Variants in CDH12 observed in about 807,000 individuals in gnomAD.
CDH12 encodes the protein cadherin-12.
In CDH12, 41 loss-of-function variants were observed where a neutral mutation model predicts 74.1. The ratio of observed to expected loss-of-function variants is 0.55; its 90% CI spans 0.43 to 0.72. The LOEUF is 0.72. CDH12 is among the 30% of genes least tolerant of loss of function. CDH12 has a pLI of 0.00. For missense variants in CDH12, 945 were observed against 977.2 expected, an observed-to-expected ratio of 0.97 and a Z score of 0.44; for synonymous variants, 399 against 355.0, an observed-to-expected ratio of 1.12 and a Z score of -1.39.
chr5:22,717,690 G>C (rs1249754464), intron 1 of CDH12, among the ~76,000 whole-genome samples: 2 of 152,152 alleles, frequency 1.3e-5, no homozygotes, highest in African/African-American at 4.8e-5. Flanking sequence ...TGAATACTTA[G>C]ACTATGTAGT....
intron 6 of CDH12, chr5:21,889,880 T>C (rs1752818297): frequency 1.0e-6 from 1 of 984,764 alleles, no homozygotes; most frequent in Non-Finnish European, 1.2e-6. Context: ...CTGCTTTTCT[T>C]AGCATATAAG....
At chr5:22,543,892 G>A (rs1328001787) in intron 1 of CDH12, among the ~76,000 whole-genome samples, 2 of 151,300 alleles carry the variant, frequency 1.3e-5, no homozygotes, top group Non-Finnish European at 2.9e-5. Flanking sequence ...CATCAAATAC[G>A]TTTGTCATTT....
intron 10 of CDH12, among the ~76,000 whole-genome samples, chr5:21,784,382 ATGTC>A (rs1447719132): frequency 6.6e-6 from 1 of 152,108 alleles, no homozygotes; most frequent in Non-Finnish European, 1.5e-5. Flanking sequence ...AGAATAAAAA[ATGTC>A]TGCAGAATAG....
At chr5:22,700,874 A>G (rs1257304970) in intron 1 of CDH12, among the ~76,000 whole-genome samples, 1 of 152,198 alleles carries the variant, frequency 6.6e-6, no homozygotes, top group Non-Finnish European at 1.5e-5. Context: ...ATCTGAAAAG[A>G]CTTTTTAATA....
intron 2 of CDH12, among the ~76,000 whole-genome samples, chr5:22,437,243 A>G (rs1744434680): frequency 6.6e-6 from 1 of 151,926 alleles, no homozygotes; most frequent in African/African-American, 2.4e-5. Flanking sequence ...TAAATATATC[A>G]AAATGTTGAA....
intron 5 of CDH12, among the ~76,000 whole-genome samples, chr5:22,040,195 CA>C (rs2150182530): frequency 6.6e-6 from 1 of 151,872 alleles, no homozygotes; most frequent in South Asian, 2.1e-4. Context: ...AGAGCTTCAA[CA>C]GCAGAACAGG....
rs563279714 is a variant in CDH12 at position 22,090,577 on chromosome 5, G to C, written c.-186-11715C>G. ...CAATACTGAAATCCAACCAACACTT[G>C]ACAAGATAAACACACACACATACAT... is the stretch of plus-strand genomic sequence containing the variant. On this transcript the variant is annotated intron_variant, in intron 4 of 14. Coordinates refer to ENST00000382254, the MANE Select transcript of CDH12 (RefSeq NM_004061.5). Among the ~76,000 whole-genome samples the C allele has an allele frequency of 2.4e-4, 35 of 147,590 alleles. No individual in the cohort carries two copies. The South Asian group carries it at 7.3e-3, about 31-fold the overall frequency.
chr5:21,901,711 A>G (rs1753393924), intron 6 of CDH12, among the ~76,000 whole-genome samples: 1 of 152,012 alleles, frequency 6.6e-6, no homozygotes, highest in Non-Finnish European at 1.5e-5. Context: ...TGATTTTCCA[A>G]CCACTTTGAA....
At chr5:22,394,853 C>A (rs188913913) in intron 3 of CDH12, among the ~76,000 whole-genome samples, 98 of 152,156 alleles carry the variant, frequency 6.4e-4, no homozygotes, top group African/African-American at 2.4e-3. Flanking sequence ...ATTTTGGCTT[C>A]TGGGTTAATG....
At position 22,596,134 on chromosome 5, in the gene CDH12, A is replaced by T. The variant is rs531587132; in HGVS notation, c.-522-90770T>A. On this transcript the variant is annotated intron_variant, in intron 1 of 14. Transcript: ENST00000382254. ...AAAAAAATAAAAAAATAAAAAATAA[A>T]AATAATAATAATAAATAAAAAGCCA... Among the ~76,000 whole-genome samples, 36 of 149,928 alleles carry T rather than the reference A, an allele frequency of 2.4e-4. No homozygotes were observed. In the South Asian group the frequency reaches 4.2e-3, roughly 17 times the overall value.
chr5:22,153,338 T>A (rs573541537), intron 4 of CDH12, among the ~76,000 whole-genome samples: 60 of 151,896 alleles, frequency 4.0e-4, no homozygotes, highest in Non-Finnish European at 6.8e-4. Flanking sequence ...TGATGCATTT[T>A]TAAGACCCCC....
intron 1 of CDH12, among the ~76,000 whole-genome samples, chr5:22,720,417 C>T (rs1001531138): frequency 4.6e-5 from 7 of 152,142 alleles, no homozygotes; most frequent in African/African-American, 1.7e-4. Context: ...GTCAAGTAAA[C>T]TTCTTTTCTT....
intron 6 of CDH12, among the ~76,000 whole-genome samples, chr5:21,958,481 G>A (rs1198293204): frequency 6.6e-6 from 1 of 152,146 alleles, no homozygotes. Context: ...TATTGTGTAA[G>A]GAAGGGGTCC....
At position 22,292,183 on chromosome 5, in the gene CDH12, G is replaced by A. The variant is rs1464575817; in HGVS notation, c.-332-79540C>T. Among the ~76,000 whole-genome samples the A allele has an allele frequency of 2.6e-5, 4 of 151,980 alleles. No individual in the cohort carries two copies. The East Asian group carries it at 7.7e-4, about 29-fold the overall frequency. ...TGAAATTAAACCCTTATCTCATACT[G>A]TATGCAAAAGCCAACTCAACAGGGA... On this transcript the variant is annotated intron_variant, in intron 3 of 14. Coordinates refer to ENST00000382254, the MANE Select transcript of CDH12 (RefSeq NM_004061.5).
At chr5:22,177,454 G>A (rs1239650719) in intron 4 of CDH12, among the ~76,000 whole-genome samples, 1 of 152,032 alleles carries the variant, frequency 6.6e-6, no homozygotes, top group African/African-American at 2.4e-5. Flanking sequence ...AAATTATGTA[G>A]CACAAGTAGA....
At chr5:22,615,570 T>A (rs774237878) in intron 1 of CDH12, among the ~76,000 whole-genome samples, 30 of 152,202 alleles carry the variant, frequency 2.0e-4, no homozygotes, top group African/African-American at 2.6e-4. Flanking sequence ...GAAACTTGTA[T>A]CTTTGTAAGA....
At chr5:22,250,822 G>A (rs1344668598) in intron 3 of CDH12, among the ~76,000 whole-genome samples, 2 of 152,050 alleles carry the variant, frequency 1.3e-5, no homozygotes, top group African/African-American at 4.8e-5. Flanking sequence ...GGAAAGGAGA[G>A]CACTTAAAAA....
intron 6 of CDH12, among the ~76,000 whole-genome samples, chr5:21,944,134 C>T (rs966808698): frequency 3.3e-5 from 5 of 152,080 alleles, no homozygotes; most frequent in Non-Finnish European, 5.9e-5. Context: ...AAAACTGAGC[C>T]GCAGTGCTTT....
chr5:22,156,273 C>A lies in CDH12; in HGVS notation c.-187+56225G>T, dbSNP rs182449491. Among the ~76,000 whole-genome samples, 15 of 152,096 alleles carry A rather than the reference C, an allele frequency of 9.9e-5. No individual in the cohort carries two copies. In the East Asian group the frequency reaches 2.9e-3, roughly 30 times the overall value. On this transcript the variant is annotated intron_variant, in intron 4 of 14. Coordinates refer to ENST00000382254, the MANE Select transcript of CDH12 (RefSeq NM_004061.5). ...GCTTTCTCAGAGATTAAAGGTATAC[C>A]ACCTAGCTTAAATGGCCCAACTAAT...
Sources: allele counts gnomAD v4.1 joint callset (sites outside exome capture counted in the v4.1 genomes callset), GRCh38; gene constraint gnomAD v4.1.1; transcripts MANE v1.5; gene names NCBI Gene and HGNC (gene_info 2026-07-23, HGNC 2026-07-21).